Variants in HEATR5A observed in about 807,000 individuals in gnomAD.
HEATR5A encodes the protein HEAT repeat containing 5A.
In HEATR5A, 178 loss-of-function variants were observed where a neutral mutation model predicts 218.8. That is an observed-to-expected ratio of 0.81 (90% CI 0.72 to 0.92). HEATR5A has a LOEUF of 0.92. Ranked by LOEUF, HEATR5A falls within the 40% of genes least tolerant of loss-of-function variation. HEATR5A has a pLI of 0.00. For synonymous variants in HEATR5A, 864 were observed against 871.6 expected, an observed-to-expected ratio of 0.99 and a Z score of 0.15; for missense variants, 2,420 against 2,418.9, an observed-to-expected ratio of 1.00 and a Z score of -0.01.
In HEATR5A at chr14:31,400,372, A is replaced by C; in HGVS notation, c.267T>G (p.His89Gln). ...GATCATTACATTTATCGATTGCTTC[A>C]TGAACGGAGAATGTGTCTCCAATAC... is the stretch of plus-strand genomic sequence containing the variant. ...LYSIGDTFSVHEAIDKCNDLI... is the reference protein window; with the variant it reads ...LYSIGDTFSVQEAIDKCNDLI... The change falls in exon 3 of 36, where the codon CAT (histidine) becomes CAG (glutamine). Residue 89 changes from histidine to glutamine, a missense_variant. By Grantham distance (24) the His-to-Gln change is conservative. Coordinates refer to ENST00000543095, the MANE Select transcript of HEATR5A (RefSeq NM_015473.4). The C allele has an allele frequency of 2.0e-6, 3 of 1,535,972 alleles. No individual in the cohort carries two copies. Among genetic ancestry groups the C allele is most frequent in the Non-Finnish European group, 2.6e-6 (3 of 1,146,790 alleles).
At chr14:31,417,389 T>A (rs961437345) in intron 1 of HEATR5A, among the ~76,000 whole-genome samples, 1 of 151,934 alleles carries the variant, frequency 6.6e-6, no homozygotes. Context: ...TGAAACCCTA[T>A]CTCTACTAAA....
At position 31,358,928 on chromosome 14, in the gene HEATR5A, A is replaced by G; in HGVS notation, c.2201T>C (p.Leu734Pro). 2 of 1,593,650 alleles carry G rather than the reference A, an allele frequency of 1.3e-6. No individual in the cohort carries two copies. The highest frequency in any genetic ancestry group is 2.2e-5 in the East Asian group (1 of 44,778). Residue 734 changes from leucine to proline, a missense_variant, in exon 15 of 36, where the codon CTA (leucine) becomes CCA (proline). Transcript: ENST00000543095. ...AATAAATCTATGGTCAGTCTCTTGT[A>G]GGAAAGGACTTAGTATCAAAAGATC... The part of the protein sequence containing the change: ...QDDLLILSPF[L>P]QETDHRFIEE...
Position 31,337,517 on chromosome 14 carries a change from G to A in HEATR5A, c.3326C>T (p.Ala1109Val). The A allele has an allele frequency of 6.4e-7, 1 of 1,559,328 alleles. No homozygotes were observed. The highest frequency in any genetic ancestry group is 8.7e-7 in the Non-Finnish European group (1 of 1,150,812). ...QREAAEVSEH[A>V]VMLAKDSREE... ...TCTGCTATCCTTAGCAAGCATAACA[G>A]CATGTTCTGAAACTTCAGCTGCTTC... The change falls in exon 22 of 36, where the codon GCT becomes GTT. Residue 1109 changes from alanine (A) to valine (V), a missense_variant. Ala to Val is a moderately conservative substitution (Grantham distance 64). Transcript: ENST00000543095.
chr14:31,372,034 C>A (rs1230049577), intron 12 of HEATR5A, 125 bp from the exon 13 acceptor site: 3 of 512,562 alleles, frequency 5.9e-6, no homozygotes, highest in East Asian at 6.6e-5. Flanking sequence ...TAAAAAAATT[C>A]TTGAAACTCT....
rs751982730 is a variant in HEATR5A at position 31,374,822 on chromosome 14, G to A, written c.1855C>T (p.Leu619=). Residue 619 remains leucine, a synonymous_variant, in exon 12 of 36, where the codon CTG becomes TTG. Transcript: ENST00000543095. ...QVTLEGRAGA[L]CAIKSFVSHC... ...AAGACTAAATCCAACCTACCACACAGTGCACCAGCTCGTCCTTCCAGGGTC... is the reference window on the plus strand; with the variant it reads ...AAGACTAAATCCAACCTACCACACAATGCACCAGCTCGTCCTTCCAGGGTC... 3 of 1,612,812 alleles carry A rather than the reference G, an allele frequency of 1.9e-6. No individual in the cohort carries two copies. In the South Asian group the frequency reaches 3.3e-5, roughly 18 times the overall value.
At chr14:31,321,895 A>G (rs1900120278) in intron 24 of HEATR5A, among the ~76,000 whole-genome samples, 1 of 152,240 alleles carries the variant, frequency 6.6e-6, no homozygotes, top group Non-Finnish European at 1.5e-5. Context: ...GCTAGTAAGT[A>G]TATCCAGCTA....
chr14:31,360,007 C>T (rs1901564058), intron 14 of HEATR5A, among the ~76,000 whole-genome samples: 2 of 149,950 alleles, frequency 1.3e-5, no homozygotes, highest in Non-Finnish European at 3.0e-5. Flanking sequence ...AAGTGAAATA[C>T]ATTTTATTTT....
At chr14:31,361,019 A>G (rs1157541218) in intron 14 of HEATR5A, among the ~76,000 whole-genome samples, 1 of 152,158 alleles carries the variant, frequency 6.6e-6, no homozygotes, top group African/African-American at 2.4e-5. Flanking sequence ...TAACCTTCAT[A>G]GTAACCTAAT....
chr14:31,368,316 A>C (rs1901880583), intron 13 of HEATR5A, among the ~76,000 whole-genome samples: 1 of 151,770 alleles, frequency 6.6e-6, no homozygotes, highest in Non-Finnish European at 1.5e-5. Context: ...TTGATCTTAG[A>C]CTCCTGCCTC....
At chr14:31,339,767 T>G (rs1008695842) in intron 21 of HEATR5A, among the ~76,000 whole-genome samples, 4 of 152,188 alleles carry the variant, frequency 2.6e-5, no homozygotes, top group African/African-American at 9.7e-5. Flanking sequence ...AGAAACTATA[T>G]TGTTAGCAGG....
chr14:31,325,483 CATATGTATGTATGTAT>C (rs1243865497), intron 23 of HEATR5A, among the ~76,000 whole-genome samples: 96 of 148,824 alleles, frequency 6.5e-4, no homozygotes, highest in African/African-American at 2.4e-3. Flanking sequence ...TATGTATGAA[CATATGTATGTATGTAT>C]GTATGTATGT....
chr14:31,341,205 C>T (rs987748966), intron 21 of HEATR5A, among the ~76,000 whole-genome samples: 2 of 152,038 alleles, frequency 1.3e-5, no homozygotes, highest in Admixed American at 6.5e-5. Flanking sequence ...AGTTAACATA[C>T]GATTTGTAAC....
chr14:31,351,977 T>C (rs1279625945), intron 16 of HEATR5A, among the ~76,000 whole-genome samples: 1 of 152,140 alleles, frequency 6.6e-6, no homozygotes, highest in East Asian at 1.9e-4. Flanking sequence ...CTAAAATTTA[T>C]TCAACCACTC....
intron 32 of HEATR5A, among the ~76,000 whole-genome samples, chr14:31,303,388 G>A (rs182942989): frequency 1.0e-3 from 154 of 152,168 alleles, no homozygotes; most frequent in Middle Eastern, 3.4e-3. Flanking sequence ...AGCTGAGATC[G>A]CGCCACTGCA....
At chr14:31,315,710 T>C in intron 27 of HEATR5A, 60 bp downstream of exon 27, 1 of 1,252,326 alleles carries the variant, frequency 8.0e-7, no homozygotes, top group Non-Finnish European at 1.1e-6. Context: ...TTTCAGTTTA[T>C]GGCCTAAGGT....
At chr14:31,403,095 A>T in intron 1 of HEATR5A, 46 bp from the exon 2 acceptor site, 1 of 870,286 alleles carries the variant, frequency 1.1e-6, no homozygotes, top group Non-Finnish European at 1.7e-6. Context: ...GGTAAAAAGG[A>T]AGGCAATCAT....
intron 21 of HEATR5A, 37 bp from the exon 22 acceptor site, chr14:31,337,651 T>G: frequency 6.3e-7 from 1 of 1,576,896 alleles, no homozygotes; most frequent in Non-Finnish European, 8.6e-7. Context: ...AGAGCTAAAA[T>G]TCTTGTTGGC....
Position 31,347,780 on chromosome 14 carries a change from A to T in HEATR5A, c.2836T>A (p.Leu946Met), listed in dbSNP as rs1901070916. The change falls in exon 19 of 36, where the codon TTG (leucine) becomes ATG (methionine). Residue 946 changes from leucine (L) to methionine (M), a missense_variant. Physicochemically the swap from Leu to Met is conservative, Grantham distance 15. Coordinates refer to ENST00000543095, the MANE Select transcript of HEATR5A (RefSeq NM_015473.4). ...LNSCIGILYT[L>M]AQDSTSPDVQ... is the part of the protein sequence containing the mutation. ...TCAGGAGAAGTGCTGTCCTGCGCCAAAGTATAAAGGATTCCAATACAAGAA... is the reference window on the plus strand; with the variant it reads ...TCAGGAGAAGTGCTGTCCTGCGCCATAGTATAAAGGATTCCAATACAAGAA... 4.3e-6 allele frequency: 7 copies of T among 1,609,660 alleles called. No homozygotes were observed. Among genetic ancestry groups the T allele is most frequent in the Non-Finnish European group, 5.9e-6 (7 of 1,178,300 alleles).
At chr14:31,320,669 G>T in intron 25 of HEATR5A, 2 of 554,774 alleles carry the variant, frequency 3.6e-6, no homozygotes, top group South Asian at 3.6e-5. Context: ...CTTGGTCTCA[G>T]CACTCAGCTT....
Sources: gnomAD v4.1 joint callset for allele counts (sites outside exome capture counted in the v4.1 genomes callset) on GRCh38, gnomAD v4.1.1 for gene constraint, MANE v1.5 for transcripts, NCBI Gene and HGNC (gene_info 2026-07-23, HGNC 2026-07-21) for gene names.